Variants in TMPRSS9 observed in about 807,000 individuals in gnomAD.
The protein encoded by TMPRSS9 is transmembrane serine protease 9.
A neutral mutation model predicts 111.4 loss-of-function variants in TMPRSS9; 113 were observed. The observed-to-expected ratio is 1.01, with a 90% CI of 0.87 to 1.19. The LOEUF is 1.19. Among genes scored for constraint, TMPRSS9 ranks in the 50% most tolerant of loss-of-function variants. The probability of loss-of-function intolerance (pLI) is 0.00; values close to 1 mark genes in which losing one functional copy is unlikely to be tolerated. For synonymous variants in TMPRSS9, 805 were observed against 659.1 expected, an observed-to-expected ratio of 1.22 and a Z score of -3.39; for missense variants, 1,803 against 1,513.1, an observed-to-expected ratio of 1.19 and a Z score of -3.18.
chr19:2,375,770 G>A (rs891752490), intron 1 of TMPRSS9, among the ~76,000 whole-genome samples: 1 of 152,172 alleles, frequency 6.6e-6, no homozygotes, highest in Non-Finnish European at 1.5e-5. Context: ...CTTCATTGAA[G>A]AAAGGGATGC....
At chr19:2,365,209 G>A (rs192919235) in intron 1 of TMPRSS9, among the ~76,000 whole-genome samples, 13 of 151,904 alleles carry the variant, frequency 8.6e-5, no homozygotes, top group South Asian at 2.1e-4. Context: ...CCTCCCACAC[G>A]ATTACTGACT....
intron 7 of TMPRSS9, among the ~76,000 whole-genome samples, chr19:2,406,308 G>A (rs1292992321): frequency 1.4e-5 from 2 of 147,948 alleles, no homozygotes; most frequent in South Asian, 2.2e-4. Flanking sequence ...GTGAGCCACT[G>A]CGCCCGGCCT....
At chr19:2,425,211 G>A (rs772858751) in exon 16 of TMPRSS9, 1 of 1,489,452 alleles carries the variant, frequency 6.7e-7, no homozygotes, top group Non-Finnish European at 8.9e-7. Context: ...CCCGCGCCGC[G>A]ACCCCCGGAC....
chr19:2,424,339 A>AC, intron 15 of TMPRSS9, 82 bp downstream of exon 16: 1 of 1,249,596 alleles, frequency 8.0e-7, no homozygotes. Context: ...ACGCACCCTG[A>AC]CCCCCTCCTT....
chr19:2,421,557 G>A (rs560765655), intron 13 of TMPRSS9, among the ~76,000 whole-genome samples: 3 of 152,196 alleles, frequency 2.0e-5, no homozygotes, highest in East Asian at 1.9e-4. Context: ...AAAGTGCTGG[G>A]ATTACAGGCG....
chr19:2,425,119 G>C, exon 16 of TMPRSS9: 1 of 1,582,832 alleles, frequency 6.3e-7, no homozygotes, highest in Non-Finnish European at 8.5e-7. Flanking sequence ...ATCTCTACAC[G>C]CTCGACTACG....
intron 4 of TMPRSS9, among the ~76,000 whole-genome samples, chr19:2,400,207 C>T (rs1400267017): frequency 6.6e-6 from 1 of 152,208 alleles, no homozygotes; most frequent in African/African-American, 2.4e-5. Context: ...GTTGGCCAAC[C>T]CCCTACTGTA....
upstream of TMPRSS9, among the ~76,000 whole-genome samples, chr19:2,386,768 G>C (rs1465511071): frequency 6.6e-6 from 1 of 152,062 alleles, no homozygotes; most frequent in African/African-American, 2.4e-5. Context: ...AAGGCAGGTG[G>C]GTCACTTGAG....
At chr19:2,396,564 C>T (rs752443958) in exon 2 of TMPRSS9, 52 of 1,610,044 alleles carry the variant, frequency 3.2e-5, no homozygotes, top group Non-Finnish European at 4.1e-5. Context: ...AGGGCTTCCA[C>T]GTGGACCACA....
At chr19:2,367,272 T>A (rs1970254667) in intron 1 of TMPRSS9, among the ~76,000 whole-genome samples, 2 of 152,228 alleles carry the variant, frequency 1.3e-5, no homozygotes, top group Non-Finnish European at 2.9e-5. Context: ...GTTACCTAAC[T>A]CTTCGGTGCC....
chr19:2,414,093 T>TATC, intron 10 of TMPRSS9, 75 bp downstream of exon 11: 1 of 1,403,890 alleles, frequency 7.1e-7, no homozygotes, highest in South Asian at 1.5e-5. Context: ...ATCGTCATAG[T>TATC]ATCTTCATAA....
intron 1 of TMPRSS9, among the ~76,000 whole-genome samples, chr19:2,362,981 C>T (rs1038908238): frequency 6.6e-6 from 1 of 151,806 alleles, no homozygotes; most frequent in Non-Finnish European, 1.5e-5. Context: ...GTGCAAATCC[C>T]CTCTTCCTAG....
At chr19:2,402,133 C>A (rs1173133045) in intron 5 of TMPRSS9, 117 bp downstream of exon 6, 1 of 926,698 alleles carries the variant, frequency 1.1e-6, no homozygotes, top group Non-Finnish European at 1.6e-6. Flanking sequence ...TGGCTCACAT[C>A]TGTCGTCCCA....
chr19:2,412,567 C>A (rs1362188768), intron 9 of TMPRSS9, among the ~76,000 whole-genome samples: 1 of 152,110 alleles, frequency 6.6e-6, no homozygotes, highest in African/African-American at 2.4e-5. Context: ...TTTGTGGTTG[C>A]CCAAATCCCT....
intron 1 of TMPRSS9, among the ~76,000 whole-genome samples, chr19:2,372,008 A>G (rs1428210002): frequency 6.6e-6 from 1 of 152,058 alleles, no homozygotes; most frequent in East Asian, 1.9e-4. Context: ...TCAAGCTGGG[A>G]TTATAGGCGC....
intron 10 of TMPRSS9, among the ~76,000 whole-genome samples, chr19:2,414,960 T>TC (rs1971192882): frequency 1.4e-5 from 2 of 145,656 alleles, no homozygotes; most frequent in African/African-American, 2.6e-5. Flanking sequence ...TTTTTTTTTT[T>TC]CTGAGACGGA....
intron 1 of TMPRSS9, among the ~76,000 whole-genome samples, chr19:2,393,687 C>G (rs1229522563): frequency 6.6e-6 from 1 of 152,026 alleles, no homozygotes; most frequent in African/African-American, 2.4e-5. Flanking sequence ...ATCATGAGGT[C>G]AGGAGTTTGA....
intron 8 of TMPRSS9, among the ~76,000 whole-genome samples, chr19:2,409,595 G>A (rs1378292327): frequency 3.9e-5 from 6 of 152,110 alleles, no homozygotes; most frequent in African/African-American, 1.4e-4. Context: ...AATAAGGTGG[G>A]GGTGGCAGCT....
At chr19:2,406,118 C>T (rs1448115489) in intron 7 of TMPRSS9, among the ~76,000 whole-genome samples, 2 of 149,088 alleles carry the variant, frequency 1.3e-5, no homozygotes, top group Admixed American at 6.7e-5. Context: ...TCACGCCATT[C>T]TCCTGCCTCA....
Sources: gnomAD v4.1 joint callset for allele counts (sites outside exome capture counted in the v4.1 genomes callset) on GRCh38, gnomAD v4.1.1 for gene constraint, MANE v1.5 for transcripts, NCBI Gene and HGNC (gene_info 2026-07-23, HGNC 2026-07-21) for gene names.